The following TNRC18 variants were observed in gnomAD, a reference collection of about 807,000 sequenced individuals.
TNRC18 encodes the protein trinucleotide repeat containing 18.
A neutral mutation model predicts 226.7 loss-of-function variants in TNRC18; 69 were observed. The ratio of observed to expected loss-of-function variants is 0.30; its 90% CI spans 0.25 to 0.37. The LOEUF (loss-of-function observed/expected upper bound fraction) is 0.37, where lower values mean the gene tolerates loss of function less well. TNRC18 is among the 10% of genes least tolerant of loss of function. The pLI, the probability that TNRC18 is intolerant of heterozygous loss-of-function variation, is 1.00. For synonymous variants in TNRC18, 2,449 were observed against 1,927.6 expected (o/e 1.27, Z -7.09); for missense variants, 4,754 against 4,256.6 (o/e 1.12, Z -3.25).
rs755886450 is a variant in TNRC18, at chr7:5,394,495, G to C, written c.288C>G (p.Ser96=). ...CCATGGGCAGGTTGCTAGGGGTTGGGGAGCGGAAAGACAGGTCAGAGGGCA... is the reference window on the plus strand; with the variant it reads ...CCATGGGCAGGTTGCTAGGGGTTGGCGAGCGGAAAGACAGGTCAGAGGGCA... ...VPLPSDLSFR[S]PTPSNLPMVQ... is the part of the protein sequence containing the mutation. The change falls in exon 3 of 30, where the codon TCC becomes TCG. Residue 96 remains serine (S), a synonymous_variant. Transcript: ENST00000430969. The surrounding 1 kb of genome is among the most constrained non-coding windows in gnomAD (Gnocchi z 4.5). 1.9e-6 allele frequency: 3 copies of C among 1,561,638 alleles called. No individual in the cohort carries two copies. The highest frequency in any genetic ancestry group is 2.6e-6 in the Non-Finnish European group (3 of 1,154,544).
intron 2 of TNRC18, among the ~76,000 whole-genome samples, chr7:5,401,292 C>G (rs1781072341): frequency 6.6e-6 from 1 of 152,004 alleles, no homozygotes; most frequent in Non-Finnish European, 1.5e-5. Context: ...CAGCAAAGAA[C>G]CAGAAGGCTT....
intron 29 of TNRC18, 32 bp downstream of exon 29, chr7:5,308,843 A>AACC (rs1786884135): frequency 2.4e-6 from 2 of 835,954 alleles, no homozygotes; most frequent in Non-Finnish European, 3.9e-6. Context: ...GCCATCCCCA[A>AACC]CCCGCCCACC....
In TNRC18 at chr7:5,377,610, C is replaced by G. The variant is rs371105051; in HGVS notation, c.2256-34G>C. 3.9e-5 allele frequency: 60 copies of G among 1,542,676 alleles called. No individual in the cohort carries two copies. The highest frequency in any genetic ancestry group is 4.7e-5 in the Non-Finnish European group (54 of 1,138,736). ...AGGATCATAGGTGTCAGCGACAGCT[C>G]GGACAGCCCAGGGGACGAGAGGGAG... On this transcript the variant is annotated intron_variant, in intron 6 of 29. Transcript: ENST00000430969. The surrounding 1 kb of genome is among the most constrained non-coding windows in gnomAD (Gnocchi z 5.8).
chr7:5,359,250 G>T, intron 15 of TNRC18, 148 bp downstream of exon 15: 1 of 844,222 alleles, frequency 1.2e-6, no homozygotes, highest in Non-Finnish European at 1.9e-6. Flanking sequence ...AAGGAAGATT[G>T]GAGAAGAGTC....
chr7:5,392,412 G>A (rs1038081574), intron 3 of TNRC18, among the ~76,000 whole-genome samples: 7 of 152,054 alleles, frequency 4.6e-5, no homozygotes, highest in East Asian at 3.9e-4. Context: ...GCAGTGAACC[G>A]AGATCAGCCT....
At position 5,309,246 on chromosome 7, in the gene TNRC18, G is replaced by A; in HGVS notation, c.8511C>T (p.Tyr2837=). Residue 2837 remains tyrosine (Y), a synonymous_variant, in exon 28 of 30, where the codon TAC becomes TAT. Coordinates refer to ENST00000430969, the MANE Select transcript of TNRC18 (RefSeq NM_001080495.3). The surrounding 1 kb of genome is among the most constrained non-coding windows in gnomAD (Gnocchi z 5.7). ...FLSAGRPNLP[Y]IGRIQSMWES... is the part of the protein sequence containing the mutation. ...CCCACATGCTCTGGATGCGGCCGAT[G>A]TAGGGCAGGTTGGGGCGGCCGGCAG... is the stretch of plus-strand genomic sequence containing the variant. The A allele has an allele frequency of 1.9e-6, 3 of 1,613,916 alleles. No homozygotes were observed. The highest frequency in any genetic ancestry group is 2.2e-5 in the East Asian group (1 of 44,886).
In TNRC18 at chr7:5,307,455, T is replaced by G; in HGVS notation, c.*651A>C. ...AGCACCATTGGGGTTTTCTGTAGTG[T>G]GAGGGTTTGGACCAGGGTGGGCCTG... On this transcript the variant is annotated 3_prime_UTR_variant, in exon 30 of 30. Coordinates refer to ENST00000430969, the MANE Select transcript of TNRC18 (RefSeq NM_001080495.3). The G allele has an allele frequency of 2.5e-6, 1 of 399,194 alleles. No homozygotes were observed. 24.7% of individuals were successfully genotyped at this position (399,194 alleles called of 1,614,324 possible). A position where few individuals can be genotyped will look rare whatever the true frequency, so the allele number is the denominator to read the frequency against.
At position 5,307,228 on chromosome 7, in the gene TNRC18, G is replaced by A. The variant is rs1315105011; in HGVS notation, c.*878C>T. On this transcript the variant is annotated 3_prime_UTR_variant, in exon 30 of 30. Coordinates refer to ENST00000430969, the MANE Select transcript of TNRC18 (RefSeq NM_001080495.3). ...GAATGTTTTTTTTTATAATTTCATAGCTATTTTTCACAGTTTTAAAAAGTT... is the reference window on the plus strand; with the variant it reads ...GAATGTTTTTTTTTATAATTTCATAACTATTTTTCACAGTTTTAAAAAGTT... 2.0e-5 allele frequency: 3 copies of A among 149,298 alleles called. No individual in the cohort carries two copies. The highest frequency in any genetic ancestry group is 7.4e-5 in the African/African-American group (3 of 40,770). The allele number at this position is 149,298 out of a possible 1,614,324, so 9.2% of individuals were successfully genotyped here. A position where few individuals can be genotyped will look rare whatever the true frequency, so the allele number is the denominator to read the frequency against.
rs1259420444 is a variant in TNRC18, at chr7:5,306,861, AATTCCAAAAGAAACAT to A, written c.*1229_*1244del. 1 of 140,448 alleles carries A rather than the reference AATTCCAAAAGAAACAT, an allele frequency of 7.1e-6. No homozygotes were observed. Among genetic ancestry groups the A allele is most frequent in the East Asian group, 2.1e-4 (1 of 4,764 alleles). The allele number at this position is 140,448 out of a possible 1,614,324, so 8.7% of individuals were successfully genotyped here. ...TCACACAGAATTTGCCAACAAACAA[AATTCCAAAAGAAACAT>A]AAAAAAAAAAACCAATAATTCCCCC... On this transcript the variant is annotated 3_prime_UTR_variant, in exon 30 of 30. Coordinates refer to ENST00000430969, the MANE Select transcript of TNRC18 (RefSeq NM_001080495.3).
At chr7:5,357,485 C>A (rs1000535914) in intron 15 of TNRC18, among the ~76,000 whole-genome samples, 8 of 152,060 alleles carry the variant, frequency 5.3e-5, no homozygotes, top group African/African-American at 1.9e-4. Context: ...GATCTCGGCT[C>A]ACTGCAACCT....
At chr7:5,345,371 G>C (rs897042290) in intron 18 of TNRC18, among the ~76,000 whole-genome samples, 191 bp downstream of exon 18, 3 of 152,340 alleles carry the variant, frequency 2.0e-5, no homozygotes, top group Admixed American at 1.3e-4. Flanking sequence ...TCCCCTCCTT[G>C]GAGATGGCAG....
At chr7:5,396,126 G>A (rs1780668663) in intron 2 of TNRC18, among the ~76,000 whole-genome samples, 1 of 141,674 alleles carries the variant, frequency 7.1e-6, no homozygotes, top group African/African-American at 2.7e-5. Flanking sequence ...AGCCGAGATC[G>A]CTCCACTGCA....
At position 5,355,664 on chromosome 7, in the gene TNRC18, T is replaced by C. The variant is rs147816409; in HGVS notation, c.5194+1252A>G. The stretch of plus-strand genomic sequence containing the variant: ...TACTCAGGAGGTTCAGAGGGGAGGA[T>C]TGCTTGAGCCCAGGCACCAGCCTGG... On this transcript the variant is annotated intron_variant, in intron 16 of 29. Transcript: ENST00000430969. Among the ~76,000 whole-genome samples the C allele has an allele frequency of 2.3e-3, 347 of 152,078 alleles. 1 individual carries two copies. The highest frequency in any genetic ancestry group is 7.9e-3 in the African/African-American group (329 of 41,472).
At chr7:5,414,260 GAT>G (rs771882132) in intron 2 of TNRC18, among the ~76,000 whole-genome samples, 5 of 151,398 alleles carry the variant, frequency 3.3e-5, no homozygotes, top group African/African-American at 4.9e-5. Context: ...TGTCTTTTTT[GAT>G]ATGATACTTG....
chr7:5,324,900 G>C lies in TNRC18; in HGVS notation c.6300+196C>G, dbSNP rs1259136992. Reference sequence around the variant, plus strand: ...CCCCGCTAGAGCAGACATTTCCTGAGGACAGGAGCAGAGTCCCCAGTATCT... The same window carrying C: ...CCCCGCTAGAGCAGACATTTCCTGACGACAGGAGCAGAGTCCCCAGTATCT... On this transcript the variant is annotated intron_variant, in intron 20 of 29. Coordinates refer to ENST00000430969, the MANE Select transcript of TNRC18 (RefSeq NM_001080495.3). This position sits in a 1 kb window ranked among gnomAD's most constrained non-coding sequence, Gnocchi z 4.8. Among the ~76,000 whole-genome samples, 6 of 152,308 alleles carry C rather than the reference G, an allele frequency of 3.9e-5. No homozygotes were observed. The South Asian group carries it at 1.2e-3, about 32-fold the overall frequency.
At chr7:5,314,928 T>G in intron 26 of TNRC18, 56 bp downstream of exon 26, 1 of 1,530,812 alleles carries the variant, frequency 6.5e-7, no homozygotes. Context: ...GCCCTGAGTT[T>G]GGATGCACGA....
chr7:5,359,954 CGAA>C (rs1462516986), intron 14 of TNRC18, among the ~76,000 whole-genome samples: 4 of 151,544 alleles, frequency 2.6e-5, no homozygotes, highest in Admixed American at 1.3e-4. Flanking sequence ...CAAGTTTACA[CGAA>C]GAAGGATTCC....
intron 12 of TNRC18, among the ~76,000 whole-genome samples, chr7:5,362,357 C>T (rs1035209008): frequency 2.0e-5 from 3 of 152,122 alleles, no homozygotes; most frequent in Admixed American, 6.5e-5. Flanking sequence ...CCCCAGGCCC[C>T]GTGGGCACCT....
At chr7:5,401,900 G>C (rs986280637) in intron 2 of TNRC18, among the ~76,000 whole-genome samples, 13 of 152,194 alleles carry the variant, frequency 8.5e-5, no homozygotes, top group Admixed American at 5.2e-4. Flanking sequence ...GGTTGGCCGG[G>C]CGTGGTGGCT....
Sources: gnomAD v4.1 joint callset for allele counts (sites outside exome capture counted in the v4.1 genomes callset) on GRCh38, gnomAD v4.1.1 for gene constraint, Gnocchi (gnomAD v3.1) non-coding constraint, MANE v1.5 for transcripts, NCBI Gene and HGNC (gene_info 2026-07-23, HGNC 2026-07-21) for gene names.